Variants in PEAK1 observed in about 807,000 individuals in gnomAD.
The protein encoded by PEAK1 is inactive tyrosine-protein kinase PEAK1.
PEAK1 carries 54 observed loss-of-function variants against 124.7 expected under a neutral mutation model. That is an observed-to-expected ratio of 0.43 (90% CI 0.35 to 0.54). PEAK1 has a LOEUF of 0.54. Among genes scored for constraint, PEAK1 ranks in the 20% least tolerant of loss-of-function variants. PEAK1 has a pLI of 0.01. For missense variants in PEAK1, 2,046 were observed against 2,134.5 expected (o/e 0.96, Z 0.82); for synonymous variants, 719 against 760.0 (o/e 0.95, Z 0.89).
At chr15:77,345,226 G>A (rs1379143136) in intron 2 of PEAK1, among the ~76,000 whole-genome samples, 1 of 152,074 alleles carries the variant, frequency 6.6e-6, no homozygotes, top group Non-Finnish European at 1.5e-5. Context: ...CTCTTAATTT[G>A]TTGAGTGTTT....
intron 2 of PEAK1, chr15:77,333,758 A>C: frequency 1.1e-6 from 1 of 947,592 alleles, no homozygotes; most frequent in Non-Finnish European, 1.3e-6. Context: ...TTAGGACTCT[A>C]CCTTGTTCCA....
At chr15:77,205,268 C>A (rs1488012268) in intron 6 of PEAK1, among the ~76,000 whole-genome samples, 2 of 126,472 alleles carry the variant, frequency 1.6e-5, no homozygotes. Context: ...GATCAAATGC[C>A]TTTTTTTAAA....
chr15:77,256,005 A>G (rs2061111852), intron 5 of PEAK1, among the ~76,000 whole-genome samples: 1 of 152,194 alleles, frequency 6.6e-6, no homozygotes, highest in Non-Finnish European at 1.5e-5. Context: ...TTGTGAACTA[A>G]GAGGAAAAAA....
intron 6 of PEAK1, among the ~76,000 whole-genome samples, chr15:77,243,223 C>T (rs2060435342): frequency 6.6e-6 from 1 of 152,114 alleles, no homozygotes; most frequent in African/African-American, 2.4e-5. Flanking sequence ...TATACTAAAG[C>T]AGGAGCATAT....
intron 2 of PEAK1, 36 bp downstream of exon 2, chr15:77,365,127 A>G (rs1022245187): frequency 4.0e-6 from 3 of 747,186 alleles, no homozygotes; most frequent in Non-Finnish European, 4.9e-6. Flanking sequence ...TATAAAATAT[A>G]TATTAAAAGG....
chr15:77,402,302 T>C, intron 1 of PEAK1: 1 of 985,168 alleles, frequency 1.0e-6, no homozygotes, highest in Non-Finnish European at 1.2e-6. Context: ...AATGCATATC[T>C]AGACATCGGG....
At chr15:77,327,871 T>C (rs1188113086) in intron 2 of PEAK1, among the ~76,000 whole-genome samples, 4 of 152,196 alleles carry the variant, frequency 2.6e-5, no homozygotes, top group South Asian at 2.1e-4. Context: ...TAAGAATTAA[T>C]TGATAAGCCA....
chr15:77,291,580 A>T (rs2063214857), intron 2 of PEAK1, among the ~76,000 whole-genome samples: 1 of 152,136 alleles, frequency 6.6e-6, no homozygotes, highest in Non-Finnish European at 1.5e-5. Flanking sequence ...CTCCTTCAAT[A>T]TTCCATTTTA....
chr15:77,274,869 T>C (rs1179034477), intron 5 of PEAK1, among the ~76,000 whole-genome samples: 1 of 152,192 alleles, frequency 6.6e-6, no homozygotes, highest in African/African-American at 2.4e-5. Flanking sequence ...TGCACATGCA[T>C]GTTTATAGCA....
intron 5 of PEAK1, among the ~76,000 whole-genome samples, chr15:77,278,979 C>T (rs888291112): frequency 2.0e-5 from 3 of 151,724 alleles, no homozygotes; most frequent in South Asian, 2.1e-4. Context: ...ATTAGACACA[C>T]GCCACCACAA....
In PEAK1 at chr15:77,113,262, G is replaced by A. The variant is rs1483005201; in HGVS notation, c.*894C>T. 1 of 152,254 alleles carries A rather than the reference G, an allele frequency of 6.6e-6. No individual in the cohort carries two copies. The highest frequency in any genetic ancestry group is 6.5e-5 in the Admixed American group (1 of 15,286). The allele number at this position is 152,254 out of a possible 1,614,324, so 9.4% of individuals were successfully genotyped here. On this transcript the variant is annotated 3_prime_UTR_variant, in exon 10 of 10. Transcript: ENST00000682557. ...GCTGACAGTTCTGACAGTAATCAAA[G>A]GGTACTTTAAACTCTGTTTCCTGAT...
At chr15:77,413,160 G>A (rs965794612) in intron 1 of PEAK1, among the ~76,000 whole-genome samples, 1 of 152,164 alleles carries the variant, frequency 6.6e-6, no homozygotes, top group Non-Finnish European at 1.5e-5. Context: ...AAATTAGTGG[G>A]CAGAAACAGG....
intron 2 of PEAK1, among the ~76,000 whole-genome samples, chr15:77,298,744 A>T (rs2063639464): frequency 6.6e-6 from 1 of 152,100 alleles, no homozygotes; most frequent in Non-Finnish European, 1.5e-5. Flanking sequence ...TCTATTGTGT[A>T]ATTTTCTTTT....
chr15:77,396,658 G>C (rs1476335769), intron 1 of PEAK1, among the ~76,000 whole-genome samples: 1 of 152,036 alleles, frequency 6.6e-6, no homozygotes, highest in Non-Finnish European at 1.5e-5. Flanking sequence ...TAGATTTCAA[G>C]ACAAAAACTA....
intron 2 of PEAK1, among the ~76,000 whole-genome samples, chr15:77,356,566 T>C (rs2067529966): frequency 1.3e-5 from 2 of 151,546 alleles, no homozygotes; most frequent in Non-Finnish European, 2.9e-5. Context: ...GAGTCATGGA[T>C]AGTAATGTTT....
intron 8 of PEAK1, among the ~76,000 whole-genome samples, chr15:77,134,179 C>A (rs2053123115): frequency 6.6e-6 from 1 of 152,190 alleles, no homozygotes; most frequent in Admixed American, 6.5e-5. Context: ...TTATTACAAA[C>A]AGAATTGAAA....
At chr15:77,218,427 A>G (rs1373869946) in intron 6 of PEAK1, among the ~76,000 whole-genome samples, 2 of 151,686 alleles carry the variant, frequency 1.3e-5, no homozygotes, top group Non-Finnish European at 2.9e-5. Context: ...TAAAATGGTG[A>G]ATTATGTTGA....
At chr15:77,263,013 T>C (rs1009083350) in intron 5 of PEAK1, among the ~76,000 whole-genome samples, 35 of 152,254 alleles carry the variant, frequency 2.3e-4, no homozygotes, top group African/African-American at 7.9e-4. Flanking sequence ...ACTGGGTACA[T>C]AATGAAATGA....
chr15:77,318,553 A>T (rs1183414227), intron 2 of PEAK1, among the ~76,000 whole-genome samples: 1 of 152,140 alleles, frequency 6.6e-6, no homozygotes, highest in Non-Finnish European at 1.5e-5. Context: ...GGCAGGCAGT[A>T]AGCTTCTCAC....
Sources: allele counts gnomAD v4.1 joint callset (sites outside exome capture counted in the v4.1 genomes callset), GRCh38; gene constraint gnomAD v4.1.1; transcripts MANE v1.5; gene names NCBI Gene and HGNC (gene_info 2026-07-23, HGNC 2026-07-21).